OR5B2: variants seen among roughly 807,000 people sequenced by gnomAD.
OR5B2 encodes olfactory receptor 5B2.
For missense variants in OR5B2, 411 were observed against 367.0 expected, an observed-to-expected ratio of 1.12 and a Z score of -0.98; for synonymous variants, 163 against 140.8, an observed-to-expected ratio of 1.16 and a Z score of -1.11.
Position 58,422,039 on chromosome 11 carries a change from G to A in OR5B2, c.*293C>T. ...CCTGTTTAACAAGTATGTTTGCACT[G>A]GAATGTGGTAGAAAAAATGCAAGGG... On this transcript the variant is annotated 3_prime_UTR_variant, in exon 3 of 3. Transcript: ENST00000641342. 1.3e-5 allele frequency: 3 copies of A among 235,678 alleles called. No individual in the cohort carries two copies. Among genetic ancestry groups the A allele is most frequent in the Middle Eastern group, 1.6e-3 (1 of 610 alleles). 14.6% of individuals were successfully genotyped at this position (235,678 alleles called of 1,614,324 possible).
chr11:58,426,339 C>A (rs546461583), intron 2 of OR5B2, among the ~76,000 whole-genome samples: 1 of 152,114 alleles, frequency 6.6e-6, no homozygotes, highest in Admixed American at 6.6e-5. Context: ...ATCCTCCACC[C>A]TTCGATAGGC....
In OR5B2 at chr11:58,422,834, G is replaced by A; in HGVS notation, c.428C>T (p.Ala143Val). Reference sequence around the variant, plus strand: ...GAAGCCACAGACATATGAGCCTAGGGCCAGACAGGCACCTACACTGGCCGT... The same window carrying A: ...GAAGCCACAGACATATGAGCCTAGGACCAGACAGGCACCTACACTGGCCGT... ...TMTASVGACLALGSYVCGFLN... is the reference protein window; with the variant it reads ...TMTASVGACLVLGSYVCGFLN... The change falls in exon 3 of 3, where the codon GCC (alanine) becomes GTC (valine). Residue 143 changes from alanine to valine, a missense_variant. Physicochemically the swap from Ala to Val is moderately conservative, Grantham distance 64. Coordinates refer to ENST00000641342, the MANE Select transcript of OR5B2 (RefSeq NM_001005566.3). The A allele has an allele frequency of 6.2e-7, 1 of 1,613,722 alleles. No individual in the cohort carries two copies. The highest frequency in any genetic ancestry group is 8.5e-7 in the Non-Finnish European group (1 of 1,179,844).
intron 2 of OR5B2, among the ~76,000 whole-genome samples, chr11:58,426,175 T>C (rs1336688417): frequency 6.6e-6 from 1 of 151,984 alleles, no homozygotes; most frequent in African/African-American, 2.4e-5. Context: ...TGTTTTTTGT[T>C]TTTTTGCTTT....
chr11:58,423,023 A>G lies in OR5B2; in HGVS notation c.239T>C (p.Met80Thr). Residue 80 changes from methionine to threonine, a missense_variant, in exon 3 of 3, where the codon ATG becomes ACG. Transcript: ENST00000641342. ...CTTGTCTCCTCTAAGGAACCCAGCC[A>G]TGACCTTGGGAGTGACAGCTGAGGA... is the stretch of plus-strand genomic sequence containing the variant. ...GYSSAVTPKV[M>T]AGFLRGDKVI... is the part of the protein sequence containing the mutation. 1 of 1,613,848 alleles carries G rather than the reference A, an allele frequency of 6.2e-7. No individual in the cohort carries two copies. Among genetic ancestry groups the G allele is most frequent in the South Asian group, 1.1e-5 (1 of 91,082 alleles).
chr11:58,425,224 A>G (rs1345218294), intron 2 of OR5B2, among the ~76,000 whole-genome samples: 1 of 152,076 alleles, frequency 6.6e-6, no homozygotes, highest in African/African-American at 2.4e-5. Flanking sequence ...CCAATAGTGA[A>G]TAAGATGAAA....
rs753412750 is a variant in OR5B2, at chr11:58,423,017, C to G, written c.245G>C (p.Gly82Ala). ...GATGACCTTGTCTCCTCTAAGGAACCCAGCCATGACCTTGGGAGTGACAGC... is the reference window on the plus strand; with the variant it reads ...GATGACCTTGTCTCCTCTAAGGAACGCAGCCATGACCTTGGGAGTGACAGC... ...SSAVTPKVMAGFLRGDKVISY... is the reference protein window; with the variant it reads ...SSAVTPKVMAAFLRGDKVISY... Residue 82 changes from glycine (G) to alanine (A), a missense_variant, in exon 3 of 3, where the codon GGG becomes GCG. Gly to Ala is a moderately conservative substitution (Grantham distance 60, BLOSUM62 0). Coordinates refer to ENST00000641342, the MANE Select transcript of OR5B2 (RefSeq NM_001005566.3). The G allele has an allele frequency of 3.7e-6, 6 of 1,613,716 alleles. No individual in the cohort carries two copies. Among genetic ancestry groups the G allele is most frequent in the Non-Finnish European group, 5.1e-6 (6 of 1,179,778 alleles).
rs773690481 is a variant in OR5B2 at position 58,422,647 on chromosome 11, G to T, written c.615C>A (p.Ile205=). ...TAAAGATAACTAGAAGAACAAAAAAGATATTAAAGCTTGACATAAAAACCA... is the reference window on the plus strand; with the variant it reads ...TAAAGATAACTAGAAGAACAAAAAATATATTAAAGCTTGACATAAAAACCA... The part of the protein sequence containing the change: ...VILVFMSSFN[I]FFVLLVIFIS... Residue 205 remains isoleucine, a synonymous_variant, in exon 3 of 3, where the codon ATC becomes ATA. Coordinates refer to ENST00000641342, the MANE Select transcript of OR5B2 (RefSeq NM_001005566.3). 17 of 1,613,436 alleles carry T rather than the reference G, an allele frequency of 1.1e-5. No homozygotes were observed. Among genetic ancestry groups the T allele is most frequent in the Admixed American group, 3.3e-5 (2 of 59,858 alleles).
At chr11:58,424,192 C>T (rs1158221643) in intron 2 of OR5B2, among the ~76,000 whole-genome samples, 1 of 152,122 alleles carries the variant, frequency 6.6e-6, no homozygotes, top group East Asian at 1.9e-4. Context: ...ATTTTTACAA[C>T]AATAAACAAA....
At chr11:58,426,764 G>A (rs1259138393) in intron 1 of OR5B2, 88 bp from the exon 2 acceptor site, 2 of 152,094 alleles carry the variant, frequency 1.3e-5, no homozygotes, top group Non-Finnish European at 2.9e-5. Flanking sequence ...GAGGGAGGGA[G>A]ATTTAAGGAA....
chr11:58,421,553 T>A lies in OR5B2; in HGVS notation c.*779A>T, dbSNP rs993812997. ...GAAGGAAGAATGAGTAAGTAGAGCA[T>A]AGAAGAGCTTTAGAGCAGTGAAACT... On this transcript the variant is annotated 3_prime_UTR_variant, in exon 3 of 3. Transcript: ENST00000641342. 5 of 152,088 alleles carry A rather than the reference T, an allele frequency of 3.3e-5. No individual in the cohort carries two copies. Among genetic ancestry groups the A allele is most frequent in the Non-Finnish European group, 7.4e-5 (5 of 68,002 alleles). The allele number at this position is 152,088 out of a possible 1,614,324, so 9.4% of individuals were successfully genotyped here.
chr11:58,421,770 TGTATGTG>T lies in OR5B2; in HGVS notation c.*555_*561del, dbSNP rs1855274795. On this transcript the variant is annotated 3_prime_UTR_variant, in exon 3 of 3. Coordinates refer to ENST00000641342, the MANE Select transcript of OR5B2 (RefSeq NM_001005566.3). ...GATATTGACAATGAGGGAGGGTATATGTATGTGGGGGCAGAAGGTATATGGGAAATCT... is the reference window on the plus strand; with the variant it reads ...GATATTGACAATGAGGGAGGGTATATGGGGCAGAAGGTATATGGGAAATCT... 6.6e-6 allele frequency: 1 copy of T among 152,156 alleles called. No individual in the cohort carries two copies. Among genetic ancestry groups the T allele is most frequent in the African/African-American group, 2.4e-5 (1 of 41,438 alleles). The allele number at this position is 152,156 out of a possible 1,614,324, so 9.4% of individuals were successfully genotyped here. A position where few individuals can be genotyped will look rare whatever the true frequency, so the allele number is the denominator to read the frequency against.
chr11:58,423,183 T>C lies in OR5B2; in HGVS notation c.79A>G (p.Ile27Val). 6.2e-7 allele frequency: 1 copy of C among 1,613,470 alleles called. No homozygotes were observed. Among genetic ancestry groups the C allele is most frequent in the Middle Eastern group, 1.7e-4 (1 of 6,056 alleles). ...SVPELQIPLF[I>V]LFTFIYLLTL... Reference sequence around the variant, plus strand: ...AGGAGGTAGATGAAGGTGAACAAGATAAAGAGGGGGATCTGTAGTTCTGGG... The same window carrying C: ...AGGAGGTAGATGAAGGTGAACAAGACAAAGAGGGGGATCTGTAGTTCTGGG... Residue 27 changes from isoleucine (I) to valine (V), a missense_variant, in exon 3 of 3, where the codon ATC (isoleucine) becomes GTC (valine). Transcript: ENST00000641342.
rs138755829 is a variant in OR5B2 at position 58,422,513 on chromosome 11, T to G, written c.749A>C (p.Tyr250Ser). 3 of 1,613,786 alleles carry G rather than the reference T, an allele frequency of 1.9e-6. No homozygotes were observed. The highest frequency in any genetic ancestry group is 2.5e-6 in the Non-Finnish European group (3 of 1,179,872). Residue 250 changes from tyrosine (Y) to serine (S), a missense_variant, in exon 3 of 3, where the codon TAT becomes TCT. Physicochemically the swap from Tyr to Ser is moderately radical, Grantham distance 144. Transcript: ENST00000641342. ...CAAGTAGATGAAGATTACTGTCCCA[T>G]AGAAGACGGAGACTGCAGTGAAGTG... The part of the protein sequence containing the change: ...ASHFTAVSVF[Y>S]GTVIFIYLQP...
intron 2 of OR5B2, among the ~76,000 whole-genome samples, chr11:58,426,161 G>GTTT (rs1453122839): frequency 6.9e-6 from 1 of 143,922 alleles, no homozygotes; most frequent in African/African-American, 3.0e-5. Context: ...GTGTATAAGG[G>GTTT]TTTTGTTTTT....
In OR5B2 at chr11:58,425,850, T is replaced by TGCGTGTGTAC. The variant is rs1242845578; in HGVS notation, c.-29+771_-29+772insGTACACACGC. Among the ~76,000 whole-genome samples, 21 of 152,156 alleles carry TGCGTGTGTAC rather than the reference T, an allele frequency of 1.4e-4. No homozygotes were observed. The East Asian group carries it at 3.7e-3, about 27-fold the overall frequency. On this transcript the variant is annotated intron_variant, in intron 2 of 2. Transcript: ENST00000641342. ...AAGTTTTGATTTTGCTGTGTGTGTA[T>TGCGTGTGTAC]GTGCGTGTGTACACATGCATGCAGT...
chr11:58,422,255 G>A lies in OR5B2; in HGVS notation c.*77C>T, dbSNP rs149128344. ...TTAAATGTATTGTGGGGTTTCAAAT[G>A]TAACTCATTGCATGAGGAAAGTCTG... On this transcript the variant is annotated 3_prime_UTR_variant, in exon 3 of 3. Coordinates refer to ENST00000641342, the MANE Select transcript of OR5B2 (RefSeq NM_001005566.3). 887 of 835,170 alleles carry A rather than the reference G, an allele frequency of 1.1e-3. 2 individuals are homozygous for A. Among genetic ancestry groups the A allele is most frequent in the Middle Eastern group, 8.1e-3 (32 of 3,934 alleles). 51.7% of individuals were successfully genotyped at this position (835,170 alleles called of 1,614,324 possible). A position where few individuals can be genotyped will look rare whatever the true frequency, so the allele number is the denominator to read the frequency against.
At position 58,423,043 on chromosome 11, in the gene OR5B2, TGAG is replaced by T. The variant is rs765106511; in HGVS notation, c.216_218del (p.Ser73del). On this transcript the variant is annotated inframe_deletion, in exon 3 of 3. Coordinates refer to ENST00000641342, the MANE Select transcript of OR5B2 (RefSeq NM_001005566.3). ...CAGCCATGACCTTGGGAGTGACAGC[TGAG>T]GAGTATCCAAAGTCCACCAGAGACA... is the stretch of plus-strand genomic sequence containing the variant. 2 of 1,613,496 alleles carry T rather than the reference TGAG, an allele frequency of 1.2e-6. No homozygotes were observed. The highest frequency in any genetic ancestry group is 2.2e-5 in the South Asian group (2 of 91,048).
chr11:58,424,809 A>G (rs1855319344), intron 2 of OR5B2, among the ~76,000 whole-genome samples: 1 of 152,142 alleles, frequency 6.6e-6, no homozygotes, highest in Non-Finnish European at 1.5e-5. Context: ...TAAATCACAT[A>G]ATCACTTTTA....
chr11:58,423,116 A>G lies in OR5B2; in HGVS notation c.146T>C (p.Met49Thr), dbSNP rs752075764. Residue 49 changes from methionine to threonine, a missense_variant, in exon 3 of 3, where the codon ATG becomes ACG. Met to Thr is a moderately conservative substitution (Grantham distance 81, BLOSUM62 -1). Coordinates refer to ENST00000641342, the MANE Select transcript of OR5B2 (RefSeq NM_001005566.3). The stretch of plus-strand genomic sequence containing the variant: ...CATGGGGGTGTGGAGACAAGAGTCC[A>G]TCAGGATCAGCAACATCATCCCCAG... ...GNLGMMLLIL[M>T]DSCLHTPMYF... 1.9e-6 allele frequency: 3 copies of G among 1,613,788 alleles called. No individual in the cohort carries two copies. The East Asian group carries it at 6.7e-5, about 36-fold the overall frequency.
Sources: allele counts gnomAD v4.1 joint callset (sites outside exome capture counted in the v4.1 genomes callset), GRCh38; gene constraint gnomAD v4.1.1; transcripts MANE v1.5; gene names NCBI Gene and HGNC (gene_info 2026-07-23, HGNC 2026-07-21).